The following RPS6KA2 variants were observed in gnomAD, a reference collection of about 807,000 sequenced individuals.
RPS6KA2 encodes the protein ribosomal protein S6 kinase alpha-2.
A neutral mutation model predicts 91.8 loss-of-function variants in RPS6KA2; 42 were observed. That is an observed-to-expected ratio of 0.46 (90% CI 0.36 to 0.59). RPS6KA2 has a LOEUF of 0.59. RPS6KA2 is among the 20% of genes least tolerant of loss of function. The probability of loss-of-function intolerance (pLI) is 0.00; values close to 1 mark genes in which losing one functional copy is unlikely to be tolerated. For missense variants in RPS6KA2, 798 were observed against 978.5 expected (o/e 0.82, Z 2.46); for synonymous variants, 414 against 393.6 (o/e 1.05, Z -0.61).
intron 1 of RPS6KA2, among the ~76,000 whole-genome samples, chr6:166,546,823 C>T (rs897112757): frequency 1.3e-5 from 2 of 152,160 alleles, no homozygotes; most frequent in South Asian, 4.1e-4. Flanking sequence ...TTGATGGCTG[C>T]GATGTTTCCA....
chr6:166,726,705 T>TA lies in RPS6KA2; in HGVS notation c.123+131494dup, dbSNP rs1377624469. ...GCTGGCAGCATTGGAAAGTGACTCTTACAACTTCAGTTGCGATACCGGTTT... is the reference window on the plus strand; with the variant it reads ...GCTGGCAGCATTGGAAAGTGACTCTTAACAACTTCAGTTGCGATACCGGTTT... On this transcript the variant is annotated intron_variant, in intron 2 of 21. Transcript: ENST00000503859. The surrounding 1 kb of genome is among the most constrained non-coding windows in gnomAD (Gnocchi z 4.4). 6.6e-6 allele frequency among the ~76,000 whole-genome samples: 1 copy of TA among 152,220 alleles called. No individual in the cohort carries two copies. Among genetic ancestry groups the TA allele is most frequent in the African/African-American group, 2.4e-5 (1 of 41,448 alleles).
intron 2 of RPS6KA2, among the ~76,000 whole-genome samples, chr6:166,830,572 C>G (rs1780160609): frequency 6.6e-6 from 1 of 152,200 alleles, no homozygotes; most frequent in Non-Finnish European, 1.5e-5. Context: ...TAAAACATCT[C>G]TCCCAATACA....
At chr6:166,464,258 C>T (rs1007658528) in intron 11 of RPS6KA2, among the ~76,000 whole-genome samples, 10 of 152,200 alleles carry the variant, frequency 6.6e-5, no homozygotes, top group African/African-American at 1.2e-4. Flanking sequence ...GCACACCCCA[C>T]GCGCTGCCAG....
chr6:166,442,896 T>C (rs1197509024), intron 14 of RPS6KA2, among the ~76,000 whole-genome samples: 1 of 152,176 alleles, frequency 6.6e-6, no homozygotes, highest in Non-Finnish European at 1.5e-5. Context: ...GTGTAGACAG[T>C]TGACCCTTGA....
At chr6:166,606,719 A>C (rs1369979521) in intron 1 of RPS6KA2, among the ~76,000 whole-genome samples, 11 of 152,380 alleles carry the variant, frequency 7.2e-5, no homozygotes, top group Admixed American at 5.2e-4. Flanking sequence ...CATACAGCCA[A>C]TAAAAACATG....
intron 2 of RPS6KA2, among the ~76,000 whole-genome samples, chr6:166,759,799 G>T (rs1287762974): frequency 6.6e-6 from 1 of 152,230 alleles, no homozygotes; most frequent in Non-Finnish European, 1.5e-5. Context: ...CTCAGCTCCT[G>T]CGGAAGACAC....
chr6:166,679,739 T>C (rs1788727513), intron 2 of RPS6KA2, among the ~76,000 whole-genome samples: 1 of 152,192 alleles, frequency 6.6e-6, no homozygotes, highest in South Asian at 2.1e-4. Context: ...CGGCTCTCTC[T>C]GCTGGTGGGG....
At chr6:166,538,118 T>C (rs909307919) in intron 2 of RPS6KA2, among the ~76,000 whole-genome samples, 3 of 152,192 alleles carry the variant, frequency 2.0e-5, no homozygotes, top group Non-Finnish European at 4.4e-5. Context: ...CCCTATTTAC[T>C]CCATGGAACA....
chr6:166,598,567 G>A (rs1785622993), intron 1 of RPS6KA2, among the ~76,000 whole-genome samples: 1 of 152,200 alleles, frequency 6.6e-6, no homozygotes, highest in South Asian at 2.1e-4. Flanking sequence ...GACATTTGGT[G>A]AAACAGCCTG....
chr6:166,457,125 T>A (rs972691127), intron 12 of RPS6KA2, among the ~76,000 whole-genome samples: 1 of 152,250 alleles, frequency 6.6e-6, no homozygotes, highest in Non-Finnish European at 1.5e-5. Flanking sequence ...CAGCCCCACA[T>A]GTTGGCACCT....
At chr6:166,710,153 A>C (rs140522038) in intron 2 of RPS6KA2, among the ~76,000 whole-genome samples, 441 of 152,328 alleles carry the variant, frequency 2.9e-3, no homozygotes, top group African/African-American at 0.01. Context: ...GTATATGTGT[A>C]TGTCAATTTA....
intron 2 of RPS6KA2, among the ~76,000 whole-genome samples, chr6:166,655,765 C>T (rs945201919): frequency 6.6e-6 from 1 of 152,224 alleles, no homozygotes; most frequent in Admixed American, 6.5e-5. Flanking sequence ...CCACACTGGG[C>T]TGGCGAGAGT....
intron 2 of RPS6KA2, among the ~76,000 whole-genome samples, chr6:166,830,627 G>A (rs978376065): frequency 3.3e-5 from 5 of 151,974 alleles, no homozygotes; most frequent in African/African-American, 7.3e-5. Context: ...AATTTCCTAC[G>A]AGGCAAGGGA....
chr6:166,660,397 CGTGT>C (rs1241926275), intron 2 of RPS6KA2, among the ~76,000 whole-genome samples: 422 of 108,036 alleles, frequency 3.9e-3, no homozygotes, highest in Non-Finnish European at 5.6e-3. Flanking sequence ...GGCATGCGTG[CGTGT>C]GTGTGTGTGT....
chr6:166,720,645 C>T (rs1790146314), intron 2 of RPS6KA2, among the ~76,000 whole-genome samples: 1 of 152,200 alleles, frequency 6.6e-6, no homozygotes, highest in South Asian at 2.1e-4. Flanking sequence ...GAACATATTT[C>T]TAACTCTAAA....
intron 10 of RPS6KA2, among the ~76,000 whole-genome samples, chr6:166,474,720 A>G (rs977668117): frequency 2.6e-5 from 4 of 152,146 alleles, no homozygotes; most frequent in African/African-American, 7.2e-5. Flanking sequence ...AGACATCACT[A>G]TGGTATAAAC....
intron 2 of RPS6KA2, among the ~76,000 whole-genome samples, chr6:166,765,894 G>T (rs902981702): frequency 3.9e-5 from 6 of 152,330 alleles, no homozygotes; most frequent in African/African-American, 1.4e-4. Context: ...AACAGGGGAA[G>T]GGAGGTTGAG....
chr6:166,602,107 G>A (rs1385340364), intron 1 of RPS6KA2, among the ~76,000 whole-genome samples: 1 of 152,222 alleles, frequency 6.6e-6, no homozygotes, highest in Admixed American at 6.5e-5. Context: ...GACATGTGAA[G>A]GGAGTCTGAC....
intron 1 of RPS6KA2, among the ~76,000 whole-genome samples, chr6:166,580,353 T>G (rs957004638): frequency 6.6e-6 from 1 of 152,148 alleles, no homozygotes; most frequent in Non-Finnish European, 1.5e-5. Context: ...CCCGTGCATA[T>G]CCAAAGGTCT....
Sources: allele counts gnomAD v4.1 joint callset (sites outside exome capture counted in the v4.1 genomes callset), GRCh38; gene constraint gnomAD v4.1.1; non-coding constraint Gnocchi (gnomAD v3.1); transcripts MANE v1.5; gene names NCBI Gene and HGNC (gene_info 2026-07-23, HGNC 2026-07-21).